Variants in KAZN observed in about 807,000 individuals in gnomAD.
KAZN encodes kazrin.
In KAZN, 40 loss-of-function variants were observed where a neutral mutation model predicts 87.4. The observed-to-expected ratio is 0.46, with a 90% confidence interval of 0.36 to 0.60. The LOEUF is 0.60. Ranked by LOEUF, KAZN falls within the 20% of genes least tolerant of loss-of-function variation. The pLI, the probability that KAZN is intolerant of heterozygous loss-of-function variation, is 0.00. For missense variants in KAZN, 898 were observed against 1,073.9 expected, an observed-to-expected ratio of 0.84 and a Z score of 2.29; for synonymous variants, 466 against 458.3, an observed-to-expected ratio of 1.02 and a Z score of -0.22.
At chr1:13,943,772 G>A (rs1641030212) in intron 1 of KAZN, among the ~76,000 whole-genome samples, 1 of 151,978 alleles carries the variant, frequency 6.6e-6, no homozygotes, top group Non-Finnish European at 1.5e-5. Context: ...TGGCTAATAA[G>A]CCCATGAAAA....
chr1:14,068,124 C>CA (rs1207159928), intron 1 of KAZN, among the ~76,000 whole-genome samples: 2 of 152,098 alleles, frequency 1.3e-5, no homozygotes, highest in East Asian at 3.9e-4. Flanking sequence ...TGATGTTCCC[C>CA]CCCCCAACAA....
Position 14,458,548 on chromosome 1 carries a change from G to T in KAZN, c.250-140435G>T, listed in dbSNP as rs191290903. 6.6e-5 allele frequency among the ~76,000 whole-genome samples: 10 copies of T among 152,246 alleles called. No homozygotes were observed. The East Asian group carries it at 1.7e-3, about 26-fold the overall frequency. ...CTTAGAGATAGAATAAATTCTAGCC[G>T]CAGGATGGTCTGAGTAGCCCCTTTT... is the stretch of plus-strand genomic sequence containing the variant. On this transcript the variant is annotated intron_variant, in intron 2 of 16. Transcript: ENST00000636203.
chr1:13,955,222 A>G (rs1641499761), intron 1 of KAZN, among the ~76,000 whole-genome samples: 1 of 152,186 alleles, frequency 6.6e-6, no homozygotes, highest in Non-Finnish European at 1.5e-5. Flanking sequence ...GTGGTATTTC[A>G]GATGACCACA....
At chr1:13,992,770 C>T (rs1183798097) in intron 1 of KAZN, among the ~76,000 whole-genome samples, 1 of 152,128 alleles carries the variant, frequency 6.6e-6, no homozygotes, top group Non-Finnish European at 1.5e-5. Context: ...ACAATGTGGT[C>T]ATCCGAGGGC....
chr1:13,939,151 C>T (rs1362601950), intron 1 of KAZN, among the ~76,000 whole-genome samples: 1 of 152,228 alleles, frequency 6.6e-6, no homozygotes, highest in Non-Finnish European at 1.5e-5. Context: ...TTGTATTCCT[C>T]TTCTGATAAT....
intron 2 of KAZN, among the ~76,000 whole-genome samples, chr1:14,969,931 A>G (rs909353033): frequency 6.6e-5 from 10 of 152,124 alleles, no homozygotes; most frequent in African/African-American, 2.4e-4. Context: ...CTCCTGCCTC[A>G]GCCTCCTGAG....
chr1:14,506,730 G>A (rs572215441), intron 2 of KAZN, among the ~76,000 whole-genome samples: 6 of 152,288 alleles, frequency 3.9e-5, no homozygotes, highest in Admixed American at 6.5e-5. Flanking sequence ...CAAACACGGT[G>A]CCAGGGACAG....
At chr1:14,966,139 C>A (rs2101808132) in intron 2 of KAZN, among the ~76,000 whole-genome samples, 1 of 152,098 alleles carries the variant, frequency 6.6e-6, no homozygotes, top group Middle Eastern at 3.4e-3. Context: ...GCCACCATGC[C>A]CAGCTAATTT....
At chr1:14,666,124 G>A (rs1041691100) in intron 1 of KAZN, among the ~76,000 whole-genome samples, 1 of 151,972 alleles carries the variant, frequency 6.6e-6, no homozygotes, top group Non-Finnish European at 1.5e-5. Flanking sequence ...TCTGCCGAAA[G>A]AATAGAGCCT....
At chr1:14,883,823 G>T (rs1387103593) in intron 1 of KAZN, among the ~76,000 whole-genome samples, 1 of 152,088 alleles carries the variant, frequency 6.6e-6, no homozygotes. Flanking sequence ...ACCTACTTGG[G>T]AATCTCTTGT....
At chr1:15,038,450 C>T (rs990805618) in intron 3 of KAZN, among the ~76,000 whole-genome samples, 10 of 152,154 alleles carry the variant, frequency 6.6e-5, no homozygotes, top group African/African-American at 2.2e-4. Context: ...CTACTGTATA[C>T]AGGCATGAAC....
intron 2 of KAZN, among the ~76,000 whole-genome samples, chr1:14,487,535 A>T (rs1033583206): frequency 1.3e-5 from 2 of 152,230 alleles, no homozygotes; most frequent in African/African-American, 4.8e-5. Flanking sequence ...GAAGAAGAGG[A>T]GAGATGAAGA....
chr1:14,413,084 TTATATA>T (rs1664436348), intron 2 of KAZN, among the ~76,000 whole-genome samples: 1 of 149,730 alleles, frequency 6.7e-6, no homozygotes, highest in South Asian at 2.1e-4. Flanking sequence ...ATCCATTTGT[TTATATA>T]TAATATATTA....
In KAZN at chr1:14,949,927, G is replaced by A. The variant is rs1269109854; in HGVS notation, c.227-10757G>A. Among the ~76,000 whole-genome samples, 1 of 152,092 alleles carries A rather than the reference G, an allele frequency of 6.6e-6. No homozygotes were observed. Among genetic ancestry groups the A allele is most frequent in the Admixed American group, 6.5e-5 (1 of 15,284 alleles). On this transcript the variant is annotated intron_variant, in intron 1 of 14. Coordinates refer to ENST00000376030, the MANE Select transcript of KAZN (RefSeq NM_201628.3). The surrounding 1 kb of genome is among the most constrained non-coding windows in gnomAD (Gnocchi z 4.3). ...GGATCCGCTTGGCACTCAGGGCACC[G>A]AGGAGGGTCTGGCTAAAGGTGTGTT...
At chr1:14,348,683 C>A (rs1367330462) in intron 2 of KAZN, among the ~76,000 whole-genome samples, 1 of 152,194 alleles carries the variant, frequency 6.6e-6, no homozygotes, top group Non-Finnish European at 1.5e-5. Flanking sequence ...AATTGGGAAA[C>A]TGAAAAGGAG....
chr1:14,213,953 A>T (rs1646907388), intron 2 of KAZN, among the ~76,000 whole-genome samples: 1 of 152,178 alleles, frequency 6.6e-6, no homozygotes, highest in African/African-American at 2.4e-5. Context: ...AAATGGGATG[A>T]TGGAGGTGGC....
chr1:14,240,922 G>A (rs912696988), intron 2 of KAZN, among the ~76,000 whole-genome samples: 7 of 152,200 alleles, frequency 4.6e-5, no homozygotes, highest in South Asian at 2.1e-4. Flanking sequence ...CCACCCCACC[G>A]AACTGGGGTT....
chr1:13,904,443 C>A (rs545887131), intron 1 of KAZN, among the ~76,000 whole-genome samples: 1 of 152,206 alleles, frequency 6.6e-6, no homozygotes, highest in Non-Finnish European at 1.5e-5. Context: ...CAAGACCAAT[C>A]TGCACTGGAG....
chr1:14,911,302 G>A (rs1052945045), intron 1 of KAZN, among the ~76,000 whole-genome samples: 2 of 152,228 alleles, frequency 1.3e-5, no homozygotes, highest in African/African-American at 4.8e-5. Context: ...TCTGTTGAAT[G>A]TTTGTAGGAT....
Sources: gnomAD v4.1 joint callset for allele counts (sites outside exome capture counted in the v4.1 genomes callset) on GRCh38, gnomAD v4.1.1 for gene constraint, Gnocchi (gnomAD v3.1) non-coding constraint, MANE v1.5 for transcripts, NCBI Gene and HGNC (gene_info 2026-07-23, HGNC 2026-07-21) for gene names.